Variants in PTPRD observed in about 807,000 individuals in gnomAD.
PTPRD encodes protein tyrosine phosphatase receptor type D, also known as receptor-type tyrosine-protein phosphatase delta.
In PTPRD, 34 loss-of-function variants were observed where a neutral mutation model predicts 214.5. That is an observed-to-expected ratio of 0.16 (90% confidence interval 0.12 to 0.21). PTPRD has a LOEUF of 0.21. Ranked by LOEUF, PTPRD falls within the 10% of genes least tolerant of loss-of-function variation. The pLI is 1.00. For missense variants in PTPRD, 2,545 were observed against 2,398.7 expected (o/e 1.06, Z -1.27); for synonymous variants, 1,128 against 845.7 (o/e 1.33, Z -5.79).
At chr9:9,701,417 C>A (rs905816859) in intron 7 of PTPRD, among the ~76,000 whole-genome samples, 2 of 152,118 alleles carry the variant, frequency 1.3e-5, no homozygotes, top group Non-Finnish European at 2.9e-5. Flanking sequence ...CAGATAGAAA[C>A]ATAGGGGAAC....
intron 44 of PTPRD, among the ~76,000 whole-genome samples, chr9:8,323,641 G>C (rs12003513): frequency 0.012 from 1,884 of 152,250 alleles, 29 homozygotes; most frequent in African/African-American, 0.044. Context: ...GTGGAGCCAG[G>C]AGATGGGACT....
chr9:9,058,155 G>C (rs1409219760), intron 10 of PTPRD, among the ~76,000 whole-genome samples: 1 of 152,090 alleles, frequency 6.6e-6, no homozygotes, highest in Admixed American at 6.5e-5. Flanking sequence ...ATTGAAGACA[G>C]AATATAAAGA....
At chr9:9,032,428 A>G (rs2099608534) in intron 10 of PTPRD, among the ~76,000 whole-genome samples, 1 of 152,042 alleles carries the variant, frequency 6.6e-6, no homozygotes, top group Non-Finnish European at 1.5e-5. Flanking sequence ...AAAAACAGAG[A>G]GGCCTTGTTT....
intron 11 of PTPRD, among the ~76,000 whole-genome samples, chr9:8,749,787 G>T (rs1356713641): frequency 6.6e-6 from 1 of 152,116 alleles, no homozygotes; most frequent in East Asian, 1.9e-4. Context: ...AGGGACAAGA[G>T]ACTTATAATA....
At chr9:9,495,282 G>A (rs1371286545) in intron 8 of PTPRD, among the ~76,000 whole-genome samples, 1 of 150,306 alleles carries the variant, frequency 6.7e-6, no homozygotes, top group Non-Finnish European at 1.5e-5. Context: ...GACAGGGATG[G>A]GTACCCAGTA....
At chr9:10,545,645 A>G (rs1312199101) in intron 2 of PTPRD, among the ~76,000 whole-genome samples, 2 of 152,198 alleles carry the variant, frequency 1.3e-5, no homozygotes. Flanking sequence ...AGAAACTTGC[A>G]CAAATTAGTG....
chr9:9,103,770 CAGG>C (rs1051082495), intron 10 of PTPRD, among the ~76,000 whole-genome samples: 4 of 152,026 alleles, frequency 2.6e-5, no homozygotes, highest in African/African-American at 9.7e-5. Flanking sequence ...ACCTTAAGCC[CAGG>C]AGTTTGAGAC....
At chr9:9,691,335 G>A (rs1242627879) in intron 7 of PTPRD, among the ~76,000 whole-genome samples, 1 of 151,832 alleles carries the variant, frequency 6.6e-6, no homozygotes, top group African/African-American at 2.4e-5. Flanking sequence ...CTGTTTCCAT[G>A]AGTTCAATTG....
At chr9:8,932,494 C>A (rs2098959939) in intron 11 of PTPRD, among the ~76,000 whole-genome samples, 1 of 152,202 alleles carries the variant, frequency 6.6e-6, no homozygotes, top group Admixed American at 6.5e-5. Flanking sequence ...CCCAGGTGCT[C>A]TGTCGCAGGG....
intron 4 of PTPRD, among the ~76,000 whole-genome samples, chr9:9,959,293 AC>A (rs2094179565): frequency 6.6e-6 from 1 of 152,144 alleles, no homozygotes; most frequent in African/African-American, 2.4e-5. Context: ...AAAAGGCAAA[AC>A]TTGTAGAAAT....
chr9:10,204,237 C>T (rs933018397), intron 3 of PTPRD, among the ~76,000 whole-genome samples: 1 of 152,022 alleles, frequency 6.6e-6, no homozygotes, highest in African/African-American at 2.4e-5. Flanking sequence ...TCCTCCTCCA[C>T]GTGAAAATCT....
chr9:8,354,350 T>C (rs1281795322), intron 39 of PTPRD, among the ~76,000 whole-genome samples: 1 of 152,134 alleles, frequency 6.6e-6, no homozygotes, highest in Admixed American at 6.6e-5. Flanking sequence ...GAAATAACTA[T>C]CTACCATGAC....
chr9:10,268,788 T>G (rs1359917738), intron 3 of PTPRD, among the ~76,000 whole-genome samples: 2 of 152,184 alleles, frequency 1.3e-5, no homozygotes, highest in Non-Finnish European at 2.9e-5. Flanking sequence ...ATGCTACCTT[T>G]TCAACGCTAA....
intron 8 of PTPRD, among the ~76,000 whole-genome samples, chr9:9,485,544 C>G (rs1033923867): frequency 2.0e-5 from 3 of 152,118 alleles, no homozygotes; most frequent in Non-Finnish European, 4.4e-5. Context: ...TTTTTCCAAT[C>G]CTTCAACTTC....
chr9:9,592,276 G>C (rs536565782), intron 7 of PTPRD, among the ~76,000 whole-genome samples: 145 of 151,958 alleles, frequency 9.5e-4, no homozygotes, highest in Non-Finnish European at 1.8e-3. Flanking sequence ...ATGAGTTTGT[G>C]TGAATGAGGC....
At chr9:9,229,466 G>A (rs762844841) in intron 9 of PTPRD, among the ~76,000 whole-genome samples, 8 of 151,960 alleles carry the variant, frequency 5.3e-5, no homozygotes, top group Non-Finnish European at 8.8e-5. Flanking sequence ...CCTTCATTGC[G>A]CCCTTACCCA....
At chr9:8,631,351 C>T (rs968311651) in intron 14 of PTPRD, among the ~76,000 whole-genome samples, 15 of 151,662 alleles carry the variant, frequency 9.9e-5, no homozygotes, top group African/African-American at 3.4e-4. Context: ...GTTCAGTTAC[C>T]TGTGGATCAG....
intron 36 of PTPRD, among the ~76,000 whole-genome samples, chr9:8,392,534 G>C (rs1160611585): frequency 1.3e-5 from 2 of 152,036 alleles, no homozygotes; most frequent in African/African-American, 2.4e-5. Context: ...CTCAATAAAA[G>C]ATAAATAATT....
At chr9:10,311,985 G>A (rs372024134) in intron 3 of PTPRD, among the ~76,000 whole-genome samples, 1 of 151,620 alleles carries the variant, frequency 6.6e-6, no homozygotes, top group Non-Finnish European at 1.5e-5. Flanking sequence ...ATCTGGTTCT[G>A]CCAGTTAATT....
Sources: gnomAD v4.1 joint callset for allele counts (sites outside exome capture counted in the v4.1 genomes callset) on GRCh38, gnomAD v4.1.1 for gene constraint, MANE v1.5 for transcripts, NCBI Gene and HGNC (gene_info 2026-07-23, HGNC 2026-07-21) for gene names.